LTBP1: variants seen among roughly 807,000 people sequenced by gnomAD.
LTBP1 encodes latent transforming growth factor beta binding protein 1.
A neutral mutation model predicts 207.6 loss-of-function variants in LTBP1; 129 were observed. That is an observed-to-expected ratio of 0.62 (90% CI 0.54 to 0.72). LTBP1 has a LOEUF of 0.72. Ranked by LOEUF, LTBP1 falls within the 30% of genes least tolerant of loss-of-function variation. LTBP1 has a pLI of 0.00. For missense variants in LTBP1, 2,281 were observed against 2,217.2 expected, an observed-to-expected ratio of 1.03 and a Z score of -0.58; for synonymous variants, 963 against 833.7, an observed-to-expected ratio of 1.16 and a Z score of -2.67.
chr2:33,219,507 C>T (rs947193819), intron 8 of LTBP1, among the ~76,000 whole-genome samples: 6 of 152,078 alleles, frequency 3.9e-5, no homozygotes, highest in African/African-American at 1.4e-4. Flanking sequence ...AAGCAGGAAT[C>T]TATACCTAAA....
intron 2 of LTBP1, among the ~76,000 whole-genome samples, chr2:32,993,050 G>A (rs946222328): frequency 1.3e-5 from 2 of 152,082 alleles, no homozygotes; most frequent in Non-Finnish European, 2.9e-5. Flanking sequence ...GGTGCTGGTG[G>A]GCCTGCAGAT....
At chr2:33,156,059 G>A (rs1210226618) in intron 5 of LTBP1, among the ~76,000 whole-genome samples, 1 of 152,164 alleles carries the variant, frequency 6.6e-6, no homozygotes, top group South Asian at 2.1e-4. Flanking sequence ...AGTCTCTTCC[G>A]TATGCCCAGC....
Position 33,398,490 on chromosome 2 carries a change from ACTG to A in LTBP1, c.5113_5115del (p.Cys1705del). On this transcript the variant is annotated inframe_deletion, in exon 34 of 34. Transcript: ENST00000404816. ...TACGTGCCTTCTGACAAGCCAAACT[ACTG>A]CACTCCGTTGAATACCGCCTTGAAT... The A allele has an allele frequency of 1.2e-6, 2 of 1,614,232 alleles. No homozygotes were observed. Among genetic ancestry groups the A allele is most frequent in the Middle Eastern group, 3.3e-4 (2 of 6,062 alleles).
intron 7 of LTBP1, among the ~76,000 whole-genome samples, chr2:33,213,915 A>G (rs1301829740): frequency 6.6e-6 from 1 of 152,230 alleles, no homozygotes; most frequent in African/African-American, 2.4e-5. Context: ...CATGGGATAA[A>G]GCGGCCTGAA....
chr2:33,093,264 G>A (rs998770912), intron 3 of LTBP1, among the ~76,000 whole-genome samples: 4 of 152,056 alleles, frequency 2.6e-5, no homozygotes, highest in Non-Finnish European at 4.4e-5. Context: ...GATTTACAGC[G>A]GTTAAGATGG....
chr2:33,274,881 A>C, intron 16 of LTBP1, 84 bp from the exon 17 acceptor site: 3 of 1,342,092 alleles, frequency 2.2e-6, no homozygotes, highest in South Asian at 1.2e-5. Context: ...TACCCAGGGA[A>C]TAGTATGATG....
intron 4 of LTBP1, among the ~76,000 whole-genome samples, chr2:33,122,026 C>T (rs1025314342): frequency 1.3e-5 from 2 of 151,282 alleles, no homozygotes; most frequent in Non-Finnish European, 2.9e-5. Context: ...TTCCCCCCAC[C>T]CTGCCCCCCT....
Position 33,098,780 on chromosome 2 carries a change from G to A in LTBP1, c.864-11802G>A, listed in dbSNP as rs775374061. Among the ~76,000 whole-genome samples the A allele has an allele frequency of 4.6e-5, 7 of 152,058 alleles. No individual in the cohort carries two copies. The East Asian group carries it at 9.6e-4, about 21-fold the overall frequency. On this transcript the variant is annotated intron_variant, in intron 3 of 33. Coordinates refer to ENST00000404816, the MANE Select transcript of LTBP1 (RefSeq NM_206943.4). Reference sequence around the variant, plus strand: ...TTTATAAAGTCAATATATTTTTTCCGAAAGTCAAACTTGCATTATTTGCTT... The same window carrying A: ...TTTATAAAGTCAATATATTTTTTCCAAAAGTCAAACTTGCATTATTTGCTT...
intron 2 of LTBP1, among the ~76,000 whole-genome samples, chr2:32,989,922 A>G (rs1684152371): frequency 6.6e-6 from 1 of 152,196 alleles, no homozygotes; most frequent in South Asian, 2.1e-4. Flanking sequence ...AGAATCTGGC[A>G]TTTACCTAGC....
At chr2:33,236,758 T>A (rs1272002734) in intron 9 of LTBP1, among the ~76,000 whole-genome samples, 1 of 152,150 alleles carries the variant, frequency 6.6e-6, no homozygotes, top group African/African-American at 2.4e-5. Context: ...CAAGGAGAAG[T>A]TAATGTAATA....
At chr2:33,103,586 C>CGTGTGT (rs71407500) in intron 3 of LTBP1, among the ~76,000 whole-genome samples, 7,675 of 118,132 alleles carry the variant, frequency 0.065, 344 homozygotes, top group Non-Finnish European at 0.092. Flanking sequence ...TCTCCGTTTA[C>CGTGTGT]GTGTGTGTGT....
chr2:33,116,354 G>A (rs1245845689), intron 4 of LTBP1, among the ~76,000 whole-genome samples: 1 of 152,130 alleles, frequency 6.6e-6, no homozygotes, highest in Non-Finnish European at 1.5e-5. Context: ...GTCATCTAAA[G>A]TTTTAGTTCT....
At chr2:33,204,750 G>T (rs142976567) in intron 7 of LTBP1, among the ~76,000 whole-genome samples, 308 of 152,182 alleles carry the variant, frequency 2.0e-3, no homozygotes, top group African/African-American at 6.8e-3. Context: ...TGGCCATGGG[G>T]CAAGCCTCTT....
intron 9 of LTBP1, among the ~76,000 whole-genome samples, chr2:33,238,076 A>G (rs951274558): frequency 8.2e-6 from 1 of 122,150 alleles, no homozygotes; most frequent in African/African-American, 4.3e-5. Flanking sequence ...ATCCTTATTA[A>G]ATAACTTAAT....
chr2:33,299,743 TTGA>T (rs550584102), intron 20 of LTBP1, among the ~76,000 whole-genome samples: 30 of 152,356 alleles, frequency 2.0e-4, no homozygotes, highest in African/African-American at 6.7e-4. Context: ...GTTCAAGTTA[TTGA>T]TGAAGCCAGT....
intron 11 of LTBP1, among the ~76,000 whole-genome samples, chr2:33,256,064 G>GTGC (rs1179698113): frequency 1.3e-5 from 2 of 151,106 alleles, no homozygotes; most frequent in Non-Finnish European, 2.9e-5. Context: ...CAAATCACAT[G>GTGC]TGCTGAGTCT....
At position 33,397,239 on chromosome 2, in the gene LTBP1, C is replaced by T; in HGVS notation, c.4941C>T (p.Cys1647=). 1 of 1,614,120 alleles carries T rather than the reference C, an allele frequency of 6.2e-7. No homozygotes were observed. The highest frequency in any genetic ancestry group is 8.5e-7 in the Non-Finnish European group (1 of 1,180,010). ...TCCAGGAAGGTTACACCTGCGATTG[C>T]TTTGATGGGTATCACTTGGATACGG... ...VRVQEGYTCD[C]FDGYHLDTAK... Residue 1647 remains cysteine, a synonymous_variant, in exon 33 of 34, where the codon TGC becomes TGT. Coordinates refer to ENST00000404816, the MANE Select transcript of LTBP1 (RefSeq NM_206943.4).
At chr2:33,222,354 C>T (rs1438941797) in intron 9 of LTBP1, among the ~76,000 whole-genome samples, 1 of 152,186 alleles carries the variant, frequency 6.6e-6, no homozygotes. Context: ...AAACTTGATG[C>T]AAGTTTTTAA....
intron 31 of LTBP1, among the ~76,000 whole-genome samples, chr2:33,387,706 C>T (rs1401441672): frequency 2.0e-5 from 3 of 150,532 alleles, no homozygotes. Flanking sequence ...AAAAGAAAGC[C>T]TTCAGGGTTC....
Sources: allele counts gnomAD v4.1 joint callset (sites outside exome capture counted in the v4.1 genomes callset), GRCh38; gene constraint gnomAD v4.1.1; transcripts MANE v1.5; gene names NCBI Gene and HGNC (gene_info 2026-07-23, HGNC 2026-07-21).